CNTNAP5: variants seen among roughly 807,000 people sequenced by gnomAD.
The protein encoded by CNTNAP5 is contactin-associated protein-like 5.
CNTNAP5 carries 72 observed loss-of-function variants against 150.2 expected under a neutral mutation model. The observed-to-expected ratio is 0.48, with a 90% CI of 0.40 to 0.58. CNTNAP5 has a LOEUF of 0.58. Among genes scored for constraint, CNTNAP5 ranks in the 20% least tolerant of loss-of-function variants. The pLI is 0.00. For missense variants in CNTNAP5, 1,636 were observed against 1,626.2 expected, an observed-to-expected ratio of 1.01 and a Z score of -0.10; for synonymous variants, 672 against 619.8, an observed-to-expected ratio of 1.08 and a Z score of -1.25.
chr2:124,139,893 A>G (rs955364820), intron 1 of CNTNAP5, among the ~76,000 whole-genome samples: 3 of 152,160 alleles, frequency 2.0e-5, no homozygotes, highest in Non-Finnish European at 2.9e-5. Flanking sequence ...TCATCGCACT[A>G]GGGAGTGCCA....
chr2:124,263,358 G>A (rs1687513117), intron 3 of CNTNAP5, among the ~76,000 whole-genome samples: 1 of 152,148 alleles, frequency 6.6e-6, no homozygotes, highest in South Asian at 2.1e-4. Flanking sequence ...GTGTGAGATG[G>A]TAGCTCATTG....
intron 3 of CNTNAP5, among the ~76,000 whole-genome samples, chr2:124,260,066 C>A (rs940111463): frequency 7.9e-5 from 12 of 152,164 alleles, no homozygotes; most frequent in Admixed American, 7.2e-4. Flanking sequence ...CCAAGTCAAT[C>A]CTAAGCCAAA....
chr2:124,736,563 T>C (rs1680386600), intron 13 of CNTNAP5, among the ~76,000 whole-genome samples: 1 of 152,200 alleles, frequency 6.6e-6, no homozygotes, highest in East Asian at 1.9e-4. Context: ...AAAACCTTAC[T>C]GTATGGTGGT....
intron 3 of CNTNAP5, among the ~76,000 whole-genome samples, chr2:124,318,978 G>A (rs539010840): frequency 3.3e-5 from 5 of 152,190 alleles, no homozygotes; most frequent in East Asian, 1.9e-4. Context: ...CCTCTTTTGC[G>A]AAATACCCAA....
intron 4 of CNTNAP5, among the ~76,000 whole-genome samples, chr2:124,418,482 C>T (rs1558892980): frequency 6.6e-6 from 1 of 152,134 alleles, no homozygotes; most frequent in African/African-American, 2.4e-5. Flanking sequence ...TCACCCCATC[C>T]CATACATACT....
At chr2:124,895,525 C>A (rs1284612937) in intron 21 of CNTNAP5, among the ~76,000 whole-genome samples, 1 of 151,460 alleles carries the variant, frequency 6.6e-6, no homozygotes, top group African/African-American at 2.4e-5. Context: ...ACTGGGTTGG[C>A]TGAGGTGGAA....
At chr2:124,333,713 G>T (rs535897658) in intron 3 of CNTNAP5, among the ~76,000 whole-genome samples, 1 of 152,074 alleles carries the variant, frequency 6.6e-6, no homozygotes, top group South Asian at 2.1e-4. Context: ...ACTGGATTTT[G>T]ATTTCAAGGC....
intron 13 of CNTNAP5, among the ~76,000 whole-genome samples, chr2:124,708,703 A>T (rs909831015): frequency 6.6e-6 from 1 of 152,072 alleles, no homozygotes; most frequent in Non-Finnish European, 1.5e-5. Context: ...TACTACCTTT[A>T]TCCTAAGAAT....
At chr2:124,564,323 A>G (rs897532894) in intron 11 of CNTNAP5, among the ~76,000 whole-genome samples, 12 of 152,090 alleles carry the variant, frequency 7.9e-5, no homozygotes, top group African/African-American at 2.2e-4. Context: ...AATAAAGAAT[A>G]TGAGCCTTGA....
chr2:124,629,991 C>T (rs1356742098), intron 12 of CNTNAP5, among the ~76,000 whole-genome samples: 1 of 135,376 alleles, frequency 7.4e-6, no homozygotes, highest in African/African-American at 2.7e-5. Flanking sequence ...AATTCCTGGA[C>T]ACATACAACC....
intron 11 of CNTNAP5, among the ~76,000 whole-genome samples, chr2:124,566,088 A>G (rs536466451): frequency 6.6e-6 from 1 of 152,126 alleles, no homozygotes; most frequent in African/African-American, 2.4e-5. Flanking sequence ...TTCCAAAAAT[A>G]TTATCACCAA....
rs10209776 is a variant in CNTNAP5, at chr2:124,310,445, G to A, written c.381+68052G>A. On this transcript the variant is annotated intron_variant, in intron 3 of 23. Transcript: ENST00000682447. Reference sequence around the variant, plus strand: ...CTTTTATCTCCACCTCCCTTCTGAAGGAAAGGTCGGGATTGGCTAGAATCG... The same window carrying A: ...CTTTTATCTCCACCTCCCTTCTGAAAGAAAGGTCGGGATTGGCTAGAATCG... Among the ~76,000 whole-genome samples the A allele has an allele frequency of 1.5e-3, 224 of 152,174 alleles. 3 individuals are homozygous for A. Among genetic ancestry groups the A allele is most frequent in the African/African-American group, 4.7e-3 (195 of 41,516 alleles).
chr2:124,790,796 C>T (rs113262522), intron 18 of CNTNAP5, among the ~76,000 whole-genome samples: 1 of 152,176 alleles, frequency 6.6e-6, no homozygotes, highest in Admixed American at 6.5e-5. Flanking sequence ...TTAATAATCA[C>T]GGATATACAC....
At position 124,790,049 on chromosome 2, in the gene CNTNAP5, T is replaced by C. The variant is rs1426498500; in HGVS notation, c.2900T>C (p.Ile967Thr). The C allele has an allele frequency of 2.5e-6, 4 of 1,613,914 alleles. No individual in the cohort carries two copies. The highest frequency in any genetic ancestry group is 2.2e-5 in the East Asian group (1 of 44,844). Residue 967 changes from isoleucine to threonine, a missense_variant, in exon 18 of 24, where the codon ATC (isoleucine) becomes ACC (threonine). Physicochemically the swap from Ile to Thr is moderately conservative, Grantham distance 89 (BLOSUM62 -1). Coordinates refer to ENST00000682447, the MANE Select transcript of CNTNAP5 (RefSeq NM_001367498.1). ...CPGHCSSYGS[I>T]CHNGGKCVEK... ...GGCCACTGCAGCAGCTACGGCAGCATCTGCCACAACGGGGGCAAGTGTGTG... is the reference window on the plus strand; with the variant it reads ...GGCCACTGCAGCAGCTACGGCAGCACCTGCCACAACGGGGGCAAGTGTGTG...
chr2:124,112,299 G>T (rs1159235620), intron 1 of CNTNAP5, among the ~76,000 whole-genome samples: 2 of 152,130 alleles, frequency 1.3e-5, no homozygotes, highest in African/African-American at 4.8e-5. Flanking sequence ...ATTTGGACAA[G>T]AATGTCTAGA....
intron 4 of CNTNAP5, among the ~76,000 whole-genome samples, chr2:124,427,341 C>G (rs989212664): frequency 6.6e-6 from 1 of 152,116 alleles, no homozygotes; most frequent in South Asian, 2.1e-4. Flanking sequence ...AGAGCTCTTT[C>G]TAAAAACCCA....
At chr2:124,224,824 T>G (rs531603222) in intron 2 of CNTNAP5, among the ~76,000 whole-genome samples, 2 of 152,284 alleles carry the variant, frequency 1.3e-5, no homozygotes, top group East Asian at 3.9e-4. Flanking sequence ...TTATAATTTT[T>G]GTTTATATTG....
intron 5 of CNTNAP5, among the ~76,000 whole-genome samples, chr2:124,443,813 C>CGTGTGT (rs3034804): frequency 0.071 from 10,206 of 143,728 alleles, 349 homozygotes; most frequent in Non-Finnish European, 0.079. Flanking sequence ...AATTCCTTGC[C>CGTGTGT]GTGTGTGTGT....
intron 11 of CNTNAP5, among the ~76,000 whole-genome samples, chr2:124,605,795 G>A (rs1320583166): frequency 1.0e-5 from 1 of 98,108 alleles, no homozygotes; most frequent in Non-Finnish European, 1.9e-5. Context: ...CTGGGTGACC[G>A]AGCAAGACTC....
Sources: allele counts gnomAD v4.1 joint callset (sites outside exome capture counted in the v4.1 genomes callset), GRCh38; gene constraint gnomAD v4.1.1; transcripts MANE v1.5; gene names NCBI Gene and HGNC (gene_info 2026-07-23, HGNC 2026-07-21).